Variants in PALM2AKAP2 observed in about 807,000 individuals in gnomAD.
The protein encoded by PALM2AKAP2 is PALM2 and AKAP2 fusion.
PALM2AKAP2 carries 37 observed loss-of-function variants against 71.5 expected under a neutral mutation model. That is an observed-to-expected ratio of 0.52 (90% CI 0.40 to 0.68). PALM2AKAP2 has a LOEUF of 0.68. PALM2AKAP2 is among the 30% of genes least tolerant of loss of function. The probability of loss-of-function intolerance (pLI) is 0.00; values close to 1 mark genes in which losing one functional copy is unlikely to be tolerated. For missense variants in PALM2AKAP2, 1,224 were observed against 1,191.8 expected, an observed-to-expected ratio of 1.03 and a Z score of -0.40; for synonymous variants, 468 against 478.8, an observed-to-expected ratio of 0.98 and a Z score of 0.29.
chr9:109,675,086 T>A (rs1827630491), intron 1 of PALM2AKAP2, among the ~76,000 whole-genome samples: 1 of 152,156 alleles, frequency 6.6e-6, no homozygotes. Context: ...ATATTTGAAG[T>A]AAGCTAGCCT....
intron 1 of PALM2AKAP2, chr9:110,127,952 C>A (rs987365026): frequency 1.3e-5 from 2 of 152,306 alleles, no homozygotes; most frequent in Non-Finnish European, 2.9e-5. Context: ...GAGGACCTCG[C>A]ACGGCCCAGG....
intron 2 of PALM2AKAP2, among the ~76,000 whole-genome samples, chr9:109,873,669 A>G (rs1829657186): frequency 6.6e-6 from 1 of 152,210 alleles, no homozygotes; most frequent in South Asian, 2.1e-4. Flanking sequence ...TATGTATGAC[A>G]TCAAAGCCAG....
At chr9:109,816,067 A>G (rs920297491) in intron 1 of PALM2AKAP2, among the ~76,000 whole-genome samples, 3 of 152,206 alleles carry the variant, frequency 2.0e-5, no homozygotes, top group Non-Finnish European at 4.4e-5. Flanking sequence ...AAGTATCTTT[A>G]ACTGAAGCTA....
intron 1 of PALM2AKAP2, among the ~76,000 whole-genome samples, chr9:109,807,769 A>G (rs1827620925): frequency 6.6e-6 from 1 of 152,166 alleles, no homozygotes; most frequent in Admixed American, 6.5e-5. Flanking sequence ...CCCAAATCTC[A>G]TCTTGAATTG....
Position 109,912,304 on chromosome 9 carries a change from G to A in PALM2AKAP2, c.258-11431G>A, listed in dbSNP as rs573522835. On this transcript the variant is annotated intron_variant, in intron 3 of 9. Coordinates refer to the PALM2AKAP2 transcript ENST00000302798. The stretch of plus-strand genomic sequence containing the variant: ...GCCATATTTCTGTCTCAGGGATGAC[G>A]TGAGGAAAAAAAAAAAAGAGGAGGA... Among the ~76,000 whole-genome samples the A allele has an allele frequency of 5.9e-5, 9 of 151,362 alleles. No individual in the cohort carries two copies. The South Asian group carries it at 6.3e-4, about 11-fold the overall frequency.
chr9:110,136,762 G>T (rs561250097), exon 2 of PALM2AKAP2: 1 of 1,614,176 alleles, frequency 6.2e-7, no homozygotes, highest in Admixed American at 1.7e-5. Context: ...CACTGAAAAA[G>T]GAGGCCAAGT....
intron 1 of PALM2AKAP2, among the ~76,000 whole-genome samples, chr9:110,077,309 C>T (rs1177620684): frequency 1.3e-5 from 2 of 152,180 alleles, no homozygotes; most frequent in African/African-American, 4.8e-5. Context: ...TAGCATGTTA[C>T]TTGGCACATT....
At chr9:109,648,589 A>T (rs1375191955) in intron 1 of PALM2AKAP2, among the ~76,000 whole-genome samples, 1 of 152,226 alleles carries the variant, frequency 6.6e-6, no homozygotes, top group South Asian at 2.1e-4. Flanking sequence ...TGATAGTGTC[A>T]TCAGGGAACA....
intron 1 of PALM2AKAP2, among the ~76,000 whole-genome samples, chr9:109,851,897 G>A (rs1390947072): frequency 6.6e-6 from 1 of 152,096 alleles, no homozygotes; most frequent in Admixed American, 6.5e-5. Context: ...GTAAAAAGCT[G>A]TGTGGTCTTT....
chr9:109,759,328 G>A (rs1263114788), intron 1 of PALM2AKAP2, among the ~76,000 whole-genome samples: 1 of 152,022 alleles, frequency 6.6e-6, no homozygotes, highest in Non-Finnish European at 1.5e-5. Context: ...TTCATAGAAT[G>A]GTAGAATGTT....
intron 2 of PALM2AKAP2, among the ~76,000 whole-genome samples, chr9:110,156,074 G>A (rs1387916942): frequency 6.6e-6 from 1 of 152,180 alleles, no homozygotes; most frequent in Admixed American, 6.5e-5. Flanking sequence ...TGCAAAATGC[G>A]TGCTGTGCCT....
rs375764929 is a variant in PALM2AKAP2, at chr9:109,756,566, C to A, written c.6-23922C>A. 4.6e-5 allele frequency among the ~76,000 whole-genome samples: 7 copies of A among 152,222 alleles called. No homozygotes were observed. In the East Asian group the frequency reaches 9.7e-4, roughly 21 times the overall value. On this transcript the variant is annotated intron_variant, in intron 1 of 6. Transcript: ENST00000374531. ...GGATATGTCCTGTTCCTTTTACACC[C>A]AAAAGTCACTTTTCACCCTGAAATT... is the stretch of plus-strand genomic sequence containing the variant.
chr9:109,666,476 A>C lies in PALM2AKAP2; in HGVS notation c.5+25610A>C, dbSNP rs964126297. On this transcript the variant is annotated intron_variant, in intron 1 of 6. Coordinates refer to the PALM2AKAP2 transcript ENST00000374531. ...GGTATAGGCCCAGGTGAATGAATGA[A>C]AATGCTCTTATACTGTTATTTTACA... Among the ~76,000 whole-genome samples the C allele has an allele frequency of 1.4e-4, 21 of 152,198 alleles. 1 individual carries two copies. The highest frequency in any genetic ancestry group is 5.1e-4 in the African/African-American group (21 of 41,446).
chr9:109,862,613 C>A (rs1771151859), intron 1 of PALM2AKAP2, among the ~76,000 whole-genome samples: 2 of 152,178 alleles, frequency 1.3e-5, no homozygotes, highest in South Asian at 4.1e-4. Context: ...AACGAGGTAG[C>A]ATGATTGGCC....
chr9:110,011,557 T>C (rs1832885363), intron 6 of PALM2AKAP2, among the ~76,000 whole-genome samples: 1 of 152,184 alleles, frequency 6.6e-6, no homozygotes, highest in Non-Finnish European at 1.5e-5. Context: ...TCCAATGCAT[T>C]ACATGTTGGC....
intron 1 of PALM2AKAP2, among the ~76,000 whole-genome samples, chr9:109,762,909 G>A (rs983513716): frequency 6.6e-6 from 1 of 152,138 alleles, no homozygotes; most frequent in Non-Finnish European, 1.5e-5. Context: ...AGAAACCAGA[G>A]TAAACATTAG....
chr9:109,656,878 T>C (rs769560186), intron 1 of PALM2AKAP2, among the ~76,000 whole-genome samples: 3 of 152,220 alleles, frequency 2.0e-5, no homozygotes, highest in Non-Finnish European at 4.4e-5. Context: ...ATTCTTCCTT[T>C]CCTTTCATCT....
chr9:110,091,420 GTGTC>G (rs1171593973), intron 1 of PALM2AKAP2, among the ~76,000 whole-genome samples: 1 of 146,952 alleles, frequency 6.8e-6, no homozygotes, highest in Admixed American at 6.8e-5. Context: ...GTGTGTGTGT[GTGTC>G]TGTGTGATGG....
rs1281344635 is a variant in PALM2AKAP2, at chr9:109,651,510, A to G, written c.5+10644A>G. 2.6e-5 allele frequency among the ~76,000 whole-genome samples: 4 copies of G among 152,204 alleles called. No individual in the cohort carries two copies. The South Asian group carries it at 8.3e-4, about 31-fold the overall frequency. ...ATTATTTCAATTATCCAGTTGGAGT[A>G]TGCCATCTGCTTCCAGCTGGGATCC... is the stretch of plus-strand genomic sequence containing the variant. On this transcript the variant is annotated intron_variant, in intron 1 of 6. Coordinates refer to the PALM2AKAP2 transcript ENST00000374531.
Sources: gnomAD v4.1 joint callset for allele counts (sites outside exome capture counted in the v4.1 genomes callset) on GRCh38, gnomAD v4.1.1 for gene constraint, MANE v1.5 for transcripts, NCBI Gene and HGNC (gene_info 2026-07-23, HGNC 2026-07-21) for gene names.